COX15: variants seen among roughly 807,000 people sequenced by gnomAD.
The protein encoded by COX15 is heme A synthase COX15.
A neutral mutation model predicts 51.9 loss-of-function variants in COX15; 51 were observed. That is an observed-to-expected ratio of 0.98 (90% CI 0.78 to 1.24). The LOEUF (loss-of-function observed/expected upper bound fraction) is 1.24. Ranked by LOEUF, COX15 falls within the 50% of genes most tolerant of loss-of-function variation. The pLI, the probability that COX15 is intolerant of heterozygous loss-of-function variation, is 0.00. For synonymous variants in COX15, 188 were observed against 190.5 expected (o/e 0.99, Z 0.11); for missense variants, 420 against 501.1 (o/e 0.84, Z 1.55).
At chr10:99,697,672 T>G in the COX15 span, 1 of 158,982 alleles carries the variant, frequency 6.3e-6, no homozygotes, top group Non-Finnish European at 1.4e-5. Flanking sequence ...CTTAAAATAG[T>G]CGGTTCCAGT....
chr10:99,723,924 C>A, intron 5 of COX15, 32 bp downstream of exon 5: 1 of 1,612,048 alleles, frequency 6.2e-7, no homozygotes, highest in Non-Finnish European at 8.5e-7. Context: ...AAAGCGGGGT[C>A]TTGAACACAG....
the COX15 span, chr10:99,696,242 C>T: frequency 1.7e-5 from 20 of 1,208,052 alleles, no homozygotes; most frequent in African/African-American, 2.5e-4. Flanking sequence ...TTCTGACTAC[C>T]CCTGCCAATG....
At chr10:99,716,518 C>T in intron 7 of COX15, 57 bp from the exon 8 acceptor site, 1 of 1,197,794 alleles carries the variant, frequency 8.3e-7, no homozygotes, top group Non-Finnish European at 1.2e-6. Flanking sequence ...TCTAACTCAC[C>T]TTACATGTAT....
chr10:99,709,163 G>C, downstream of COX15: 1 of 985,058 alleles, frequency 1.0e-6, no homozygotes. Flanking sequence ...CCTAGATGAA[G>C]GTATAAATGC....
In COX15 at chr10:99,713,473, C is replaced by G. The variant is rs1200773961; in HGVS notation, c.*1114G>C. 6.2e-7 allele frequency: 1 copy of G among 1,613,040 alleles called. No homozygotes were observed. The highest frequency in any genetic ancestry group is 8.5e-7 in the Non-Finnish European group (1 of 1,179,644). ...ATTTTAAAAGTAAAGTTGAATAAGA[C>G]AGGGCCCTATGAAATATCAATAGAG... On this transcript the variant is annotated 3_prime_UTR_variant, in exon 9 of 9. Transcript: ENST00000016171.
chr10:99,725,948 T>A (rs2036936344), intron 4 of COX15, among the ~76,000 whole-genome samples: 1 of 152,244 alleles, frequency 6.6e-6, no homozygotes, highest in African/African-American at 2.4e-5. Flanking sequence ...GATGCCCTGA[T>A]AATCTCCTTT....
rs748468371 is a variant in COX15, at chr10:99,727,553, ACT to A, written c.281_282del (p.Glu94ValfsTer37). On this transcript the variant is annotated frameshift_variant, in exon 3 of 9. Transcript: ENST00000016171. LOFTEE classifies it high-confidence loss of function. ...VILGGVTRLTESGLSMVDWHL... is the reference protein window; with the variant it reads ...VILGGVTRLTXSGLSMVDWHL... Reference sequence around the variant, plus strand: ...TGCCAATCTACCATCGAGAGGCCAGACTCTGTCAACCTTAGGATAGGAAAGAA... The same window carrying A: ...TGCCAATCTACCATCGAGAGGCCAGACTGTCAACCTTAGGATAGGAAAGAA... The A allele has an allele frequency of 3.1e-6, 5 of 1,613,450 alleles. No individual in the cohort carries two copies. Among genetic ancestry groups the A allele is most frequent in the East Asian group, 2.2e-5 (1 of 44,870 alleles).
At position 99,731,937 on chromosome 10, in the gene COX15, C is replaced by T. The variant is rs201954640; in HGVS notation, c.90+23G>A. The T allele has an allele frequency of 2.1e-4, 343 of 1,598,150 alleles. 2 individuals carry two copies. The African/African-American group carries it at 4.1e-3, about 19-fold the overall frequency. On this transcript the variant is annotated intron_variant, in intron 1 of 8. Transcript: ENST00000016171. Reference sequence around the variant, plus strand: ...TCACTCCATCCCCGCTCCCGCGACTCGGAGTCCGCTGCAGTGCGGTACCTG... The same window carrying T: ...TCACTCCATCCCCGCTCCCGCGACTTGGAGTCCGCTGCAGTGCGGTACCTG...
At position 99,711,193 on chromosome 10, in the gene COX15, T is replaced by C; in HGVS notation, c.*3394A>G. Reference sequence around the variant, plus strand: ...CAACCAGTTGTTTTTCCAAATGTACTCATCATCTGTAATAAAAGAAAAATG... The same window carrying C: ...CAACCAGTTGTTTTTCCAAATGTACCCATCATCTGTAATAAAAGAAAAATG... On this transcript the variant is annotated 3_prime_UTR_variant, in exon 9 of 9. Coordinates refer to ENST00000016171, the MANE Select transcript of COX15 (RefSeq NM_078470.6). The C allele has an allele frequency of 1.0e-6, 1 of 985,344 alleles. No homozygotes were observed. Among genetic ancestry groups the C allele is most frequent in the South Asian group, 4.7e-5 (1 of 21,284 alleles). 61.0% of individuals were successfully genotyped at this position (985,344 alleles called of 1,614,324 possible). A position where few individuals can be genotyped will look rare whatever the true frequency, so the allele number is the denominator to read the frequency against.
At chr10:99,700,886 T>C in the COX15 span, 1 of 1,111,854 alleles carries the variant, frequency 9.0e-7, no homozygotes, top group Non-Finnish European at 1.4e-6. Flanking sequence ...CACAAGTAAC[T>C]TTAGAAATGG....
intron 5 of COX15, among the ~76,000 whole-genome samples, chr10:99,722,759 G>A (rs988923703): frequency 1.2e-4 from 18 of 152,106 alleles, no homozygotes; most frequent in African/African-American, 3.9e-4. Context: ...GCTTGAACCC[G>A]GGAGGTGGAG....
rs1421847943 is a variant in COX15 at position 99,727,051 on chromosome 10, C to A, written c.499G>T (p.Ala167Ser). 1 of 1,614,208 alleles carries A rather than the reference C, an allele frequency of 6.2e-7. No individual in the cohort carries two copies. Among genetic ancestry groups the A allele is most frequent in the African/African-American group, 1.3e-5 (1 of 75,048 alleles). ...CAGCCCTTTCTCCAAAAGTAGGCAG[C>A]AGGCAGGATGTACACAAGGCCTACA... ...RLVGLVYILPAAYFWRKGWLS... is the reference protein window; with the variant it reads ...RLVGLVYILPSAYFWRKGWLS... Residue 167 changes from alanine (A) to serine (S), a missense_variant, in exon 4 of 9, where the codon GCT becomes TCT. Transcript: ENST00000016171.
downstream of COX15, chr10:99,710,296 A>G (rs1019458787): frequency 1.0e-6 from 1 of 985,414 alleles, no homozygotes; most frequent in South Asian, 4.7e-5. Flanking sequence ...TTTGGTTTCT[A>G]GTGTTTCAGT....
At chr10:99,728,565 G>A (rs1339114460) in intron 2 of COX15, among the ~76,000 whole-genome samples, 2 of 152,148 alleles carry the variant, frequency 1.3e-5, no homozygotes, top group Admixed American at 6.5e-5. Flanking sequence ...ATTTTGCTAC[G>A]CTAATGAAAT....
chr10:99,696,801 C>T, the COX15 span, among the ~76,000 whole-genome samples: 465 of 152,268 alleles, frequency 3.1e-3, 6 homozygotes, highest in Non-Finnish European at 4.9e-4. Flanking sequence ...TCTTTTCCAT[C>T]ATTAAATTTA....
At chr10:99,727,812 T>C (rs533426276) in intron 2 of COX15, among the ~76,000 whole-genome samples, 5 of 152,250 alleles carry the variant, frequency 3.3e-5, no homozygotes, top group South Asian at 2.1e-4. Flanking sequence ...CTTTTTTTTT[T>C]CCCAATTCTT....
chr10:99,712,984 T>A lies in COX15; in HGVS notation c.*1603A>T. ...ATCCCTAGTTCCTTCACCTATTCCC[T>A]GTGTGACAGGGGTTCTGGACTCATC... On this transcript the variant is annotated 3_prime_UTR_variant, in exon 9 of 9. Coordinates refer to ENST00000016171, the MANE Select transcript of COX15 (RefSeq NM_078470.6). 9.7e-7 allele frequency: 1 copy of A among 1,033,498 alleles called. No individual in the cohort carries two copies. Among genetic ancestry groups the A allele is most frequent in the African/African-American group, 1.7e-5 (1 of 58,274 alleles). 64.0% of individuals were successfully genotyped at this position (1,033,498 alleles called of 1,614,324 possible).
chr10:99,716,018 G>T (rs1382308174), intron 8 of COX15, among the ~76,000 whole-genome samples: 1 of 136,432 alleles, frequency 7.3e-6, no homozygotes, highest in Non-Finnish European at 1.5e-5. Flanking sequence ...AACAGACAGG[G>T]TCTCACTCTG....
chr10:99,704,535 C>T, the COX15 span: 2 of 1,614,184 alleles, frequency 1.2e-6, no homozygotes, highest in Non-Finnish European at 1.7e-6. Flanking sequence ...CTCTTCTTTG[C>T]CTGTATCCTG....
Sources: gnomAD v4.1 joint callset for allele counts (sites outside exome capture counted in the v4.1 genomes callset) on GRCh38, gnomAD v4.1.1 for gene constraint, MANE v1.5 for transcripts, NCBI Gene and HGNC (gene_info 2026-07-23, HGNC 2026-07-21) for gene names.